The following MDFIC2 variants were observed in gnomAD, a reference collection of about 807,000 sequenced individuals.
MDFIC2 encodes the protein myoD family inhibitor domain-containing protein 2.
chr3:70,248,753 CA>C (rs1701731824), intron 2 of MDFIC2, among the ~76,000 whole-genome samples: 1 of 152,064 alleles, frequency 6.6e-6, no homozygotes, highest in South Asian at 2.1e-4. Context: ...AACAGCTCAA[CA>C]TATTGGAAAA....
chr3:70,309,778 A>G (rs1178913971), intron 2 of MDFIC2, among the ~76,000 whole-genome samples: 1 of 152,258 alleles, frequency 6.6e-6, no homozygotes, highest in African/African-American at 2.4e-5. Flanking sequence ...CTTTTATGAA[A>G]TATAGTAAAC....
chr3:70,199,131 G>T (rs7623693), intron 3 of MDFIC2, among the ~76,000 whole-genome samples: 126,746 of 152,176 alleles, frequency 0.83, 53,833 homozygotes, highest in Non-Finnish European at 0.92. Flanking sequence ...GAGTCCACTG[G>T]ATCCTGTCCT....
At chr3:70,258,879 T>A (rs951745588) in intron 2 of MDFIC2, among the ~76,000 whole-genome samples, 1 of 152,150 alleles carries the variant, frequency 6.6e-6, no homozygotes, top group African/African-American at 2.4e-5. Flanking sequence ...TTTAATTTTT[T>A]AAATTAAATT....
intron 2 of MDFIC2, among the ~76,000 whole-genome samples, chr3:70,276,898 T>C (rs940570084): frequency 6.6e-6 from 1 of 152,306 alleles, no homozygotes; most frequent in African/African-American, 2.4e-5. Flanking sequence ...CCAGAAAGTT[T>C]ATGTTCTCAA....
chr3:70,280,616 C>G (rs150427377), intron 2 of MDFIC2, among the ~76,000 whole-genome samples: 33 of 152,282 alleles, frequency 2.2e-4, no homozygotes, highest in South Asian at 4.1e-4. Context: ...AGCAAAGGTT[C>G]TTCTCTGTCC....
At chr3:70,289,252 C>T (rs1393554887) in intron 2 of MDFIC2, among the ~76,000 whole-genome samples, 4 of 150,124 alleles carry the variant, frequency 2.7e-5, no homozygotes, top group African/African-American at 7.4e-5. Flanking sequence ...TAGGGCAGGC[C>T]TGGTGGTGAC....
At chr3:70,285,860 T>A in intron 2 of MDFIC2, among the ~76,000 whole-genome samples, 1 of 152,138 alleles carries the variant, frequency 6.6e-6, no homozygotes, top group Non-Finnish European at 1.5e-5. Flanking sequence ...TGTCTTCTTT[T>A]GAGAAGTGTC....
chr3:70,232,556 C>T (rs1037730514), intron 2 of MDFIC2, among the ~76,000 whole-genome samples: 1 of 151,930 alleles, frequency 6.6e-6, no homozygotes, highest in Non-Finnish European at 1.5e-5. Context: ...CCCGCCACCA[C>T]GCCTGGCTAT....
At chr3:70,289,886 C>T (rs899040716) in intron 2 of MDFIC2, among the ~76,000 whole-genome samples, 8 of 151,912 alleles carry the variant, frequency 5.3e-5, no homozygotes, top group Non-Finnish European at 1.0e-4. Flanking sequence ...TCACGTAGTT[C>T]TCGAGCCTTG....
intron 2 of MDFIC2, among the ~76,000 whole-genome samples, chr3:70,214,049 T>C (rs1304090999): frequency 6.6e-6 from 1 of 152,066 alleles, no homozygotes; most frequent in African/African-American, 2.4e-5. Flanking sequence ...TTTTCTCCAG[T>C]TGAGGGATGA....
intron 2 of MDFIC2, among the ~76,000 whole-genome samples, chr3:70,269,862 T>C (rs1218796443): frequency 6.6e-6 from 1 of 152,108 alleles, no homozygotes; most frequent in Admixed American, 6.5e-5. Flanking sequence ...ATATCCAAAC[T>C]TAAGGAAGAA....
At chr3:70,227,563 A>C (rs1182771165) in intron 2 of MDFIC2, among the ~76,000 whole-genome samples, 1 of 152,216 alleles carries the variant, frequency 6.6e-6, no homozygotes, top group Admixed American at 6.5e-5. Context: ...GAAACCAAAA[A>C]TAAGAAAGTG....
chr3:70,240,895 G>A (rs1176606406), intron 2 of MDFIC2, among the ~76,000 whole-genome samples: 1 of 152,146 alleles, frequency 6.6e-6, no homozygotes, highest in African/African-American at 2.4e-5. Context: ...TTGATAAGCA[G>A]TATGAAAACA....
chr3:70,200,562 C>A (rs186590672), intron 3 of MDFIC2, among the ~76,000 whole-genome samples: 63 of 152,286 alleles, frequency 4.1e-4, no homozygotes, highest in Non-Finnish European at 8.2e-4. Flanking sequence ...GCTTTAAACA[C>A]CTTCCCTTTA....
At chr3:70,232,977 C>A (rs1701575215) in intron 2 of MDFIC2, among the ~76,000 whole-genome samples, 1 of 152,074 alleles carries the variant, frequency 6.6e-6, no homozygotes, top group Non-Finnish European at 1.5e-5. Flanking sequence ...TCGCTTGAGG[C>A]CAGAAGTTCA....
At chr3:70,297,953 T>C (rs1018460006) in intron 2 of MDFIC2, among the ~76,000 whole-genome samples, 2 of 152,148 alleles carry the variant, frequency 1.3e-5, no homozygotes, top group Non-Finnish European at 2.9e-5. Flanking sequence ...TCTTACTCTT[T>C]GCTAATTCCT....
chr3:70,251,337 A>G (rs1701766058), intron 2 of MDFIC2, among the ~76,000 whole-genome samples: 1 of 152,092 alleles, frequency 6.6e-6, no homozygotes, highest in Non-Finnish European at 1.5e-5. Context: ...TTCATTTTCT[A>G]TGTTCATTGT....
intron 2 of MDFIC2, among the ~76,000 whole-genome samples, chr3:70,265,785 A>G (rs1701911507): frequency 6.6e-6 from 1 of 152,192 alleles, no homozygotes. Flanking sequence ...ACTTATAATC[A>G]TGATGGGAGG....
chr3:70,293,299 C>G (rs1702257500), intron 2 of MDFIC2, among the ~76,000 whole-genome samples: 1 of 151,902 alleles, frequency 6.6e-6, no homozygotes, highest in Non-Finnish European at 1.5e-5. Context: ...ATACAATTAT[C>G]AAAATATGTA....
Sources: gnomAD v4.1 joint callset for allele counts (sites outside exome capture counted in the v4.1 genomes callset) on GRCh38, gnomAD v4.1.1 for gene constraint, MANE v1.5 for transcripts, NCBI Gene and HGNC (gene_info 2026-07-23, HGNC 2026-07-21) for gene names.